Variants in FNDC3B observed in about 807,000 individuals in gnomAD.
The protein encoded by FNDC3B is fibronectin type III domain-containing protein 3B.
A neutral mutation model predicts 151.5 loss-of-function variants in FNDC3B; 12 were observed. The observed-to-expected ratio is 0.08, with a 90% CI of 0.05 to 0.13. FNDC3B has a LOEUF of 0.13. Among genes scored for constraint, FNDC3B ranks in the 10% least tolerant of loss-of-function variants. The pLI is 1.00. For synonymous variants in FNDC3B, 528 were observed against 549.0 expected (o/e 0.96, Z 0.54); for missense variants, 1,214 against 1,505.3 (o/e 0.81, Z 3.20).
intron 3 of FNDC3B, among the ~76,000 whole-genome samples, chr3:172,188,388 A>G (rs1295951011): frequency 6.6e-6 from 1 of 151,204 alleles, no homozygotes; most frequent in Non-Finnish European, 1.5e-5. Context: ...GAGTGGTGGA[A>G]CTGAAGTTGG....
chr3:172,133,784 A>G, intron 3 of FNDC3B: 1 of 506,834 alleles, frequency 2.0e-6, no homozygotes, highest in Admixed American at 3.3e-5. Flanking sequence ...CTAAGTAACA[A>G]ATTACTCCAA....
intron 3 of FNDC3B, among the ~76,000 whole-genome samples, chr3:172,155,326 C>T (rs1312514644): frequency 1.3e-5 from 2 of 152,184 alleles, no homozygotes; most frequent in Non-Finnish European, 2.9e-5. Flanking sequence ...GCTGTGGCAT[C>T]CCAATCTGAT....
intron 4 of FNDC3B, among the ~76,000 whole-genome samples, chr3:172,229,322 T>A (rs2108745063): frequency 6.6e-6 from 1 of 152,324 alleles, no homozygotes; most frequent in East Asian, 1.9e-4. Context: ...ATAATATCCA[T>A]AACACTCAAC....
rs62283762 is a variant in FNDC3B, at chr3:172,043,385, C to T, written c.-29+3614C>T. ...GAGACAGACTCTCGCTCTGTTACCC[C>T]GGCTGGAGTGCAGCGGCATGATCAC... is the stretch of plus-strand genomic sequence containing the variant. On this transcript the variant is annotated intron_variant, in intron 1 of 25. Coordinates refer to ENST00000415807, the MANE Select transcript of FNDC3B (RefSeq NM_022763.4). Among the ~76,000 whole-genome samples, 2 of 151,610 alleles carry T rather than the reference C, an allele frequency of 1.3e-5. 1 individual carries two copies. Among genetic ancestry groups the T allele is most frequent in the African/African-American group, 4.9e-5 (2 of 41,214 alleles).
intron 3 of FNDC3B, among the ~76,000 whole-genome samples, chr3:172,194,872 TG>T (rs1295522010): frequency 6.6e-6 from 1 of 152,242 alleles, no homozygotes; most frequent in African/African-American, 2.4e-5. Flanking sequence ...GTGACTACCC[TG>T]TTGCTAAGAA....
chr3:172,391,480 C>A (rs1736004921), intron 25 of FNDC3B, among the ~76,000 whole-genome samples: 1 of 152,202 alleles, frequency 6.6e-6, no homozygotes, highest in Admixed American at 6.5e-5. Flanking sequence ...TGAGAAAAGT[C>A]TGCTTAATGC....
In FNDC3B at chr3:172,334,962, G is replaced by C. The variant is rs1340532035; in HGVS notation, c.1660G>C (p.Glu554Gln). ...YKFRLTASNT[E>Q]GKSCPSEVLV... ...GTTCTAGCTGACTGCTTCTAATACG[G>C]AAGGAAAAAGCTGTCCAAGCGAAGT... Residue 554 changes from glutamate (E) to glutamine (Q), a missense_variant, in exon 15 of 26, where the codon GAA (glutamate) becomes CAA (glutamine). Physicochemically the swap from Glu to Gln is conservative, Grantham distance 29 (BLOSUM62 2). Coordinates refer to ENST00000415807, the MANE Select transcript of FNDC3B (RefSeq NM_022763.4). 5.6e-6 allele frequency: 9 copies of C among 1,613,452 alleles called. 1 individual carries two copies. The Admixed American group carries it at 1.5e-4, about 27-fold the overall frequency.
At chr3:172,188,401 T>TTTTG (rs112927008) in intron 3 of FNDC3B, among the ~76,000 whole-genome samples, 9,614 of 151,514 alleles carry the variant, frequency 0.063, 413 homozygotes, top group African/African-American at 0.12. Flanking sequence ...GAAGTTGGTT[T>TTTTG]TTTGTTTCTT....
intron 2 of FNDC3B, among the ~76,000 whole-genome samples, chr3:172,116,539 CT>C (rs1720256767): frequency 6.6e-6 from 1 of 151,872 alleles, no homozygotes; most frequent in Non-Finnish European, 1.5e-5. Context: ...AACATTTGGT[CT>C]TTTGTGTCTG....
rs552302067 is a variant in FNDC3B at position 172,294,871 on chromosome 3, A to C, written c.850-492A>C. On this transcript the variant is annotated intron_variant, in intron 7 of 25. Transcript: ENST00000415807. ...GTGAAACATCTCCACATCTATAATG[A>C]TATTAATCCCATATCAGCCTGGTCC... Among the ~76,000 whole-genome samples the C allele has an allele frequency of 2.0e-5, 3 of 152,344 alleles. No homozygotes were observed. In the East Asian group the frequency reaches 5.8e-4, roughly 29 times the overall value.
At chr3:172,112,170 A>G (rs1720008695) in intron 1 of FNDC3B, among the ~76,000 whole-genome samples, 1 of 152,222 alleles carries the variant, frequency 6.6e-6, no homozygotes, top group African/African-American at 2.4e-5. Flanking sequence ...AACGGAATCT[A>G]CCTTTAAGCC....
At chr3:172,225,198 A>G (rs1162277985) in intron 3 of FNDC3B, among the ~76,000 whole-genome samples, 1 of 152,202 alleles carries the variant, frequency 6.6e-6, no homozygotes, top group Non-Finnish European at 1.5e-5. Flanking sequence ...TTGGGAAGAC[A>G]GGGTCTTGCT....
intron 6 of FNDC3B, among the ~76,000 whole-genome samples, chr3:172,270,524 T>A (rs1334585520): frequency 6.6e-6 from 1 of 152,220 alleles, no homozygotes; most frequent in Non-Finnish European, 1.5e-5. Context: ...ATACTTTGTA[T>A]AGTAGAATCC....
intron 25 of FNDC3B, among the ~76,000 whole-genome samples, chr3:172,388,248 T>C (rs11916250): frequency 0.091 from 13,870 of 152,176 alleles, 1,064 homozygotes; most frequent in African/African-American, 0.21. Flanking sequence ...CTCCCTGTTA[T>C]TTACAGGATT....
chr3:172,349,656 C>CT (rs532912669), intron 21 of FNDC3B, among the ~76,000 whole-genome samples: 2 of 151,778 alleles, frequency 1.3e-5, no homozygotes, highest in South Asian at 4.2e-4. Flanking sequence ...TTTTTCTTTT[C>CT]TTTTTTTTCT....
At chr3:172,079,900 C>CCTGT (rs10639407) in intron 1 of FNDC3B, among the ~76,000 whole-genome samples, 98,331 of 151,410 alleles carry the variant, frequency 0.65, 32,039 homozygotes, top group East Asian at 0.78. Flanking sequence ...TAACTGAAAC[C>CCTGT]CTATGAGGCT....
chr3:172,151,524 C>T (rs754186057), intron 3 of FNDC3B, among the ~76,000 whole-genome samples: 3 of 152,070 alleles, frequency 2.0e-5, no homozygotes, highest in African/African-American at 2.4e-5. Flanking sequence ...GGATCTAGCC[C>T]ATCTACCTCT....
intron 15 of FNDC3B, among the ~76,000 whole-genome samples, chr3:172,337,063 G>A (rs1355465188): frequency 6.6e-6 from 1 of 152,056 alleles, no homozygotes; most frequent in Non-Finnish European, 1.5e-5. Flanking sequence ...AGTTTGTGCC[G>A]AGTTTTTTGT....
intron 3 of FNDC3B, among the ~76,000 whole-genome samples, chr3:172,164,899 G>A (rs1722937263): frequency 6.6e-6 from 1 of 152,086 alleles, no homozygotes; most frequent in South Asian, 2.1e-4. Context: ...TGTTATAGGG[G>A]GAAATATTTT....
Sources: allele counts gnomAD v4.1 joint callset (sites outside exome capture counted in the v4.1 genomes callset), GRCh38; gene constraint gnomAD v4.1.1; transcripts MANE v1.5; gene names NCBI Gene and HGNC (gene_info 2026-07-23, HGNC 2026-07-21).